Variants in DMAC2 observed in about 807,000 individuals in gnomAD.
The protein encoded by DMAC2 is distal membrane arm assembly component 2, also known as distal membrane-arm assembly complex protein 2.
DMAC2 carries 32 observed loss-of-function variants against 29.6 expected under a neutral mutation model. The observed-to-expected ratio is 1.08, with a 90% CI of 0.81 to 1.45. The LOEUF is 1.45. Ranked by LOEUF, DMAC2 falls within the 40% of genes most tolerant of loss-of-function variation. DMAC2 has a pLI of 0.00. For synonymous variants in DMAC2, 133 were observed against 137.4 expected, an observed-to-expected ratio of 0.97 and a Z score of 0.23; for missense variants, 319 against 340.0, an observed-to-expected ratio of 0.94 and a Z score of 0.49.
Position 41,439,882 on chromosome 19 carries a change from C to A in DMAC2, c.18G>T (p.Ala6=). Residue 6 remains alanine (A), a splice_region_variant and synonymous_variant, in exon 1 of 6, where the codon GCG becomes GCT. Coordinates refer to ENST00000221943, the MANE Select transcript of DMAC2 (RefSeq NM_018035.3). ...GGCTCTAGGAACTCCGGTCACTTAC[C>A]GCCCAGGGAGCCGCCATCTTGCTAA... MAAPW[A]SLRLVAPMWN... 2 of 1,614,194 alleles carry A rather than the reference C, an allele frequency of 1.2e-6. No homozygotes were observed. The highest frequency in any genetic ancestry group is 2.2e-5 in the South Asian group (2 of 91,084).
intron 5 of DMAC2, chr19:41,432,895 CGTGCATGT>C (rs1263652115): frequency 4.0e-5 from 19 of 474,948 alleles, no homozygotes; most frequent in Non-Finnish European, 5.6e-5. Context: ...TGCGTGCATG[CGTGCATGT>C]GTGTGTGTAT....
In DMAC2 at chr19:41,432,361, G is replaced by C. The variant is rs2039557253; in HGVS notation, c.644C>G (p.Pro215Arg). Residue 215 changes from proline to arginine, a missense_variant, in exon 6 of 6, where the codon CCT (proline) becomes CGT (arginine). Transcript: ENST00000221943. ...CTCCACCAATATCTGAGTGAGGCCA[G>C]GGTTGGACACGGCAGGGAGGTCCGA... is the stretch of plus-strand genomic sequence containing the variant. ...DISDLPAVSN[P>R]GLTQILVEEM... The C allele has an allele frequency of 6.2e-6, 10 of 1,614,142 alleles. No individual in the cohort carries two copies. The East Asian group carries it at 6.7e-5, about 11-fold the overall frequency.
intron 5 of DMAC2, chr19:41,432,900 A>G (rs1023391881): frequency 4.0e-5 from 20 of 503,364 alleles, no homozygotes; most frequent in Non-Finnish European, 4.2e-5. Context: ...GCATGCGTGC[A>G]TGTGTGTGTG....
rs782477441 is a variant in DMAC2 at position 41,438,423 on chromosome 19, G to T, written c.19-9C>A. ...GCGACCAGGCGCAGGGACTGGGGAGGGGGAGAGGAAAGGAGCTGAGCCTGG... is the reference window on the plus strand; with the variant it reads ...GCGACCAGGCGCAGGGACTGGGGAGTGGGAGAGGAAAGGAGCTGAGCCTGG... On this transcript the variant is annotated splice_polypyrimidine_tract_variant and intron_variant, in intron 1 of 5. Transcript: ENST00000221943. 1.9e-6 allele frequency: 3 copies of T among 1,608,692 alleles called. No individual in the cohort carries two copies. Among genetic ancestry groups the T allele is most frequent in the Admixed American group, 3.4e-5 (2 of 59,154 alleles).
In DMAC2 at chr19:41,433,623, T is replaced by A; in HGVS notation, c.347A>T (p.Gln116Leu). 6.2e-7 allele frequency: 1 copy of A among 1,614,198 alleles called. No homozygotes were observed. Among genetic ancestry groups the A allele is most frequent in the African/African-American group, 1.3e-5 (1 of 75,060 alleles). The change falls in exon 4 of 6, where the codon CAG becomes CTG. Residue 116 changes from glutamine to leucine, a missense_variant. Physicochemically the swap from Gln to Leu is moderately radical, Grantham distance 113. Coordinates refer to ENST00000221943, the MANE Select transcript of DMAC2 (RefSeq NM_018035.3). ...CACTTCACAGAAATTCCAGAACTCCTGAGAGAAATGGCCATACTTATCTGG... is the reference window on the plus strand; with the variant it reads ...CACTTCACAGAAATTCCAGAACTCCAGAGAGAAATGGCCATACTTATCTGG... ...IRPDKYGHFSQEFWNFCEVPV... is the reference protein window; with the variant it reads ...IRPDKYGHFSLEFWNFCEVPV...
intron 1 of DMAC2, chr19:41,439,215 TTC>T (rs1161889319): frequency 4.8e-6 from 2 of 421,014 alleles, no homozygotes; most frequent in African/African-American, 2.2e-5. Context: ...TTTAACCAAA[TTC>T]TTTTTTTTTT....
Position 41,431,388 on chromosome 19 carries a change from C to T in DMAC2, c.*843G>A. On this transcript the variant is annotated 3_prime_UTR_variant, in exon 6 of 6. Transcript: ENST00000221943. ...CAGTGAACTGGAATAATGAGGGCTT[C>T]ACTGGTAAAATGCTTCTGAATTGAC... The T allele has an allele frequency of 2.0e-6, 1 of 497,370 alleles. No individual in the cohort carries two copies. Among genetic ancestry groups the T allele is most frequent in the South Asian group, 1.4e-5 (1 of 69,332 alleles). 30.8% of individuals were successfully genotyped at this position (497,370 alleles called of 1,614,324 possible).
chr19:41,439,284 G>T, intron 1 of DMAC2: 3 of 506,422 alleles, frequency 5.9e-6, no homozygotes, highest in South Asian at 2.9e-5. Context: ...GTTTAAAGCT[G>T]CCAACCTCTT....
chr19:41,436,988 G>C (rs1390660066), intron 2 of DMAC2, among the ~76,000 whole-genome samples: 1 of 152,156 alleles, frequency 6.6e-6, no homozygotes. Context: ...GTGGAGTCCT[G>C]ATAGGGGGTC....
At position 41,432,109 on chromosome 19, in the gene DMAC2, G is replaced by T; in HGVS notation, c.*122C>A. ...GAACTCACGCTCTCTCCTGTGATTG[G>T]CCAGCACCACTCCCCCACCCTGACG... On this transcript the variant is annotated 3_prime_UTR_variant, in exon 6 of 6. Coordinates refer to ENST00000221943, the MANE Select transcript of DMAC2 (RefSeq NM_018035.3). 2 of 1,152,380 alleles carry T rather than the reference G, an allele frequency of 1.7e-6. No individual in the cohort carries two copies. Among genetic ancestry groups the T allele is most frequent in the African/African-American group, 1.5e-5 (1 of 65,218 alleles). 71.4% of individuals were successfully genotyped at this position (1,152,380 alleles called of 1,614,324 possible). A position where few individuals can be genotyped will look rare whatever the true frequency, so the allele number is the denominator to read the frequency against.
At position 41,432,376 on chromosome 19, in the gene DMAC2, G is replaced by C. The variant is rs1555769268; in HGVS notation, c.629C>G (p.Pro210Arg). Residue 210 changes from proline to arginine, a missense_variant, in exon 6 of 6, where the codon CCT (proline) becomes CGT (arginine). Pro to Arg is a moderately radical substitution (Grantham distance 103, BLOSUM62 -2). Transcript: ENST00000221943. Reference sequence around the variant, plus strand: ...AGTGAGGCCAGGGTTGGACACGGCAGGGAGGTCCGAGATGTCCAGCCTGCG... The same window carrying C: ...AGTGAGGCCAGGGTTGGACACGGCACGGAGGTCCGAGATGTCCAGCCTGCG... ...NLRRLDISDL[P>R]AVSNPGLTQI... 1.2e-6 allele frequency: 2 copies of C among 1,614,052 alleles called. No individual in the cohort carries two copies. Among genetic ancestry groups the C allele is most frequent in the Non-Finnish European group, 1.7e-6 (2 of 1,180,022 alleles).
At chr19:41,436,931 G>T (rs536302379) in intron 2 of DMAC2, among the ~76,000 whole-genome samples, 1 of 152,156 alleles carries the variant, frequency 6.6e-6, no homozygotes, top group Non-Finnish European at 1.5e-5. Flanking sequence ...ACTTGAATTA[G>T]GATGGTTGAA....
intron 3 of DMAC2, among the ~76,000 whole-genome samples, chr19:41,434,959 T>C (rs1600009415): frequency 6.6e-6 from 1 of 151,824 alleles, no homozygotes. Context: ...TGAGCCGAGA[T>C]TGTGCCACTG....
chr19:41,433,385 C>G lies in DMAC2; in HGVS notation c.483G>C (p.Val161=), dbSNP rs139865597. 99 of 1,613,276 alleles carry G rather than the reference C, an allele frequency of 6.1e-5. 2 individuals are homozygous for G. In the Middle Eastern group the frequency reaches 8.3e-4, roughly 13 times the overall value. ...AGAGGCGGCTGAGACACCAGTCGTC[C>G]ACGTGGCAGCAGCGCTGCAGCGACA... is the stretch of plus-strand genomic sequence containing the variant. ...QSLSLQRCCH[V]DDWCLSRLYP... The change falls in exon 5 of 6, where the codon GTG becomes GTC. Residue 161 remains valine, a synonymous_variant. Transcript: ENST00000221943.
chr19:41,432,532 C>A, intron 5 of DMAC2, 124 bp from the exon 6 acceptor site: 1 of 806,764 alleles, frequency 1.2e-6, no homozygotes, highest in Non-Finnish European at 1.9e-6. Context: ...GTAAGGACAG[C>A]GTGTGTGTGT....
chr19:41,436,093 C>G (rs2039849898), intron 3 of DMAC2, among the ~76,000 whole-genome samples: 1 of 152,210 alleles, frequency 6.6e-6, no homozygotes, highest in Non-Finnish European at 1.5e-5. Flanking sequence ...CCAAGCTGCT[C>G]TCGAACTCCT....
At position 41,433,661 on chromosome 19, in the gene DMAC2, C is replaced by T; in HGVS notation, c.309G>A (p.Lys103=). 1 of 1,614,240 alleles carries T rather than the reference C, an allele frequency of 6.2e-7. No individual in the cohort carries two copies. Among genetic ancestry groups the T allele is most frequent in the Non-Finnish European group, 8.5e-7 (1 of 1,180,040 alleles). Residue 103 remains lysine, a synonymous_variant, in exon 4 of 6, where the codon AAG becomes AAA. Coordinates refer to ENST00000221943, the MANE Select transcript of DMAC2 (RefSeq NM_018035.3). ...KQGGAVKFRD[K]EWIRPDKYGH... ...CATACTTATCTGGCCTGATCCACTC[C>T]TTGTCTCGAAACCTGGAAACGGGAA...
In DMAC2 at chr19:41,431,682, A is replaced by G. The variant is rs930729278; in HGVS notation, c.*549T>C. 3 of 227,554 alleles carry G rather than the reference A, an allele frequency of 1.3e-5. No individual in the cohort carries two copies. The highest frequency in any genetic ancestry group is 2.7e-5 in the Non-Finnish European group (3 of 112,134). The allele number at this position is 227,554 out of a possible 1,614,324, so 14.1% of individuals were successfully genotyped here. A position where few individuals can be genotyped will look rare whatever the true frequency, so the allele number is the denominator to read the frequency against. ...ACTGACAAAGCTTATCCCCTTTCAA[A>G]AAACAGCCAACTGAAAAAGCTGAAT... On this transcript the variant is annotated 3_prime_UTR_variant, in exon 6 of 6. Coordinates refer to ENST00000221943, the MANE Select transcript of DMAC2 (RefSeq NM_018035.3).
chr19:41,432,675 T>TGTGTGTGTGTGTGTAG, intron 5 of DMAC2: 1 of 349,580 alleles, frequency 2.9e-6, no homozygotes, highest in Non-Finnish European at 5.1e-6. Context: ...TGTGTGTGTG[T>TGTGTGTGTGTGTGTAG]GTATAGGGAG....
Sources: allele counts gnomAD v4.1 joint callset (sites outside exome capture counted in the v4.1 genomes callset), GRCh38; gene constraint gnomAD v4.1.1; transcripts MANE v1.5; gene names NCBI Gene and HGNC (gene_info 2026-07-23, HGNC 2026-07-21).